SERINC5: variants seen among roughly 807,000 people sequenced by gnomAD.
The protein encoded by SERINC5 is serine incorporator 5.
A neutral mutation model predicts 63.1 loss-of-function variants in SERINC5; 41 were observed. The ratio of observed to expected loss-of-function variants is 0.65; its 90% CI spans 0.51 to 0.84. The LOEUF is 0.84. SERINC5 is among the 40% of genes least tolerant of loss of function. The pLI, the probability that SERINC5 is intolerant of heterozygous loss-of-function variation, is 0.00. For missense variants in SERINC5, 523 were observed against 573.0 expected, an observed-to-expected ratio of 0.91 and a Z score of 0.89; for synonymous variants, 222 against 215.2, an observed-to-expected ratio of 1.03 and a Z score of -0.28.
intron 7 of SERINC5, among the ~76,000 whole-genome samples, chr5:80,160,440 C>T (rs1394010357): frequency 6.6e-6 from 1 of 152,212 alleles, no homozygotes; most frequent in African/African-American, 2.4e-5. Context: ...CATAAAGTAA[C>T]ACTCTAGAAA....
chr5:80,205,382 C>A (rs1750102165), intron 1 of SERINC5, among the ~76,000 whole-genome samples: 1 of 152,186 alleles, frequency 6.6e-6, no homozygotes, highest in Admixed American at 6.5e-5. Flanking sequence ...CAAAAGGAAC[C>A]TGTCAAAATC....
At chr5:80,209,576 T>A (rs1464773561) in intron 1 of SERINC5, among the ~76,000 whole-genome samples, 1 of 152,206 alleles carries the variant, frequency 6.6e-6, no homozygotes, top group African/African-American at 2.4e-5. Context: ...TCTATGTACA[T>A]ACACATATGT....
At chr5:80,209,594 C>T (rs1254318692) in intron 1 of SERINC5, among the ~76,000 whole-genome samples, 1 of 151,700 alleles carries the variant, frequency 6.6e-6, no homozygotes, top group Admixed American at 6.6e-5. Context: ...TGTGTAGATA[C>T]AAGACCACTA....
At chr5:80,197,308 TGAGA>T (rs34195156) in intron 2 of SERINC5, among the ~76,000 whole-genome samples, 2,645 of 134,858 alleles carry the variant, frequency 0.02, 38 homozygotes, top group East Asian at 0.033. Flanking sequence ...ACTCCATCTG[TGAGA>T]GAGAGAGAGA....
chr5:80,220,045 T>C (rs1750830050), intron 1 of SERINC5, among the ~76,000 whole-genome samples: 1 of 151,822 alleles, frequency 6.6e-6, no homozygotes, highest in Non-Finnish European at 1.5e-5. Context: ...CCGCCTCTAC[T>C]AAAAATACAA....
downstream of SERINC5, among the ~76,000 whole-genome samples, chr5:80,134,241 G>A (rs1435886950): frequency 3.3e-5 from 5 of 152,032 alleles, no homozygotes; most frequent in Admixed American, 6.6e-5. Context: ...ATCCCAGCAC[G>A]TTGGAAGGCC....
chr5:80,142,058 A>G lies in SERINC5; in HGVS notation c.*1605T>C. 2.0e-6 allele frequency: 2 copies of G among 985,396 alleles called. No homozygotes were observed. Among genetic ancestry groups the G allele is most frequent in the South Asian group, 9.4e-5 (2 of 21,280 alleles). The allele number at this position is 985,396 out of a possible 1,614,324, so 61.0% of individuals were successfully genotyped here. A position where few individuals can be genotyped will look rare whatever the true frequency, so the allele number is the denominator to read the frequency against. The stretch of plus-strand genomic sequence containing the variant: ...GCACTCAATTCTGCCCAACTCATAC[A>G]GTAGGGCACAGAAAAAAATGACTAG... On this transcript the variant is annotated 3_prime_UTR_variant, in exon 12 of 12. Transcript: ENST00000507668.
intron 11 of SERINC5, among the ~76,000 whole-genome samples, chr5:80,132,456 TCTC>T (rs543105929): frequency 6.6e-6 from 1 of 152,148 alleles, no homozygotes; most frequent in Non-Finnish European, 1.5e-5. Context: ...CCTTGTTGTA[TCTC>T]CTCATGTTGT....
chr5:80,229,066 T>C (rs1751308491), intron 1 of SERINC5, among the ~76,000 whole-genome samples: 1 of 105,964 alleles, frequency 9.4e-6, no homozygotes, highest in Non-Finnish European at 1.8e-5. Flanking sequence ...TGGAGTTGCC[T>C]AGGCTGGAGT....
At chr5:80,120,069 A>AG (rs1450628742) in intron 11 of SERINC5, among the ~76,000 whole-genome samples, 14 of 152,136 alleles carry the variant, frequency 9.2e-5, no homozygotes, top group Admixed American at 2.6e-4. Flanking sequence ...TCTTCTATAA[A>AG]GGGGGGGCTA....
At chr5:80,188,051 G>A (rs781606211) in intron 2 of SERINC5, among the ~76,000 whole-genome samples, 11 of 152,090 alleles carry the variant, frequency 7.2e-5, no homozygotes, top group South Asian at 2.1e-4. Flanking sequence ...TTGGGAGGCC[G>A]AGGCAGGTGG....
intron 1 of SERINC5, among the ~76,000 whole-genome samples, chr5:80,220,444 T>A (rs895403582): frequency 6.6e-6 from 1 of 152,152 alleles, no homozygotes; most frequent in African/African-American, 2.4e-5. Context: ...GGTAGGCTGT[T>A]CAGGAAACAG....
At chr5:80,159,687 G>A (rs945249001) in intron 7 of SERINC5, among the ~76,000 whole-genome samples, 3 of 152,136 alleles carry the variant, frequency 2.0e-5, no homozygotes, top group African/African-American at 4.8e-5. Flanking sequence ...GGAATGGGAG[G>A]AATGGTAGTT....
chr5:80,197,326 AG>A, intron 2 of SERINC5, among the ~76,000 whole-genome samples: 1 of 23,936 alleles, frequency 4.2e-5, no homozygotes, highest in Middle Eastern at 0.013. Context: ...AGAGAGAGAG[AG>A]AGAGAGAGAG....
intron 2 of SERINC5, among the ~76,000 whole-genome samples, chr5:80,185,688 G>T (rs1287336921): frequency 6.6e-6 from 1 of 152,132 alleles, no homozygotes; most frequent in Non-Finnish European, 1.5e-5. Context: ...TCGTTCTCTG[G>T]TGGGCAGGAA....
rs190084394 is a variant in SERINC5 at position 80,255,939 on chromosome 5, G to A, written c.-17C>T. The A allele has an allele frequency of 2.6e-3, 3,959 of 1,543,080 alleles. 106 individuals carry two copies. In the African/African-American group the frequency reaches 0.049, roughly 19 times the overall value. ...AGCTGACATCGCGGCGGCCAATGCC[G>A]AAGGCGCGCTCGCTGGCTCCCCGCG... On this transcript the variant is annotated 5_prime_UTR_variant, in exon 1 of 12. Transcript: ENST00000507668.
chr5:80,248,475 A>G (rs552043917), intron 1 of SERINC5, among the ~76,000 whole-genome samples: 1 of 152,342 alleles, frequency 6.6e-6, no homozygotes, highest in South Asian at 2.1e-4. Context: ...AGAACAGGGC[A>G]TAATTTAAAC....
chr5:80,253,292 T>A (rs1752509892), intron 1 of SERINC5, among the ~76,000 whole-genome samples: 1 of 152,220 alleles, frequency 6.6e-6, no homozygotes, highest in Admixed American at 6.5e-5. Context: ...TTGCCAGGAT[T>A]CGAGCTCCAT....
At position 80,224,721 on chromosome 5, in the gene SERINC5, G is replaced by A. The variant is rs371639367; in HGVS notation, c.28-21668C>T. On this transcript the variant is annotated intron_variant, in intron 1 of 11. Coordinates refer to ENST00000507668, the MANE Select transcript of SERINC5 (RefSeq NM_001174072.3). ...GGCTCACTGCAACCTCCATCTCCTG[G>A]GTTTAAGTGATTCTCCTGCCTCAGC... is the stretch of plus-strand genomic sequence containing the variant. 5.9e-5 allele frequency among the ~76,000 whole-genome samples: 9 copies of A among 151,898 alleles called. No individual in the cohort carries two copies. The East Asian group carries it at 1.4e-3, about 23-fold the overall frequency.
Sources: gnomAD v4.1 joint callset for allele counts (sites outside exome capture counted in the v4.1 genomes callset) on GRCh38, gnomAD v4.1.1 for gene constraint, MANE v1.5 for transcripts, NCBI Gene and HGNC (gene_info 2026-07-23, HGNC 2026-07-21) for gene names.